The following PREX2 variants were observed in gnomAD, a reference collection of about 807,000 sequenced individuals.
PREX2 encodes the protein phosphatidylinositol 3,4,5-trisphosphate-dependent Rac exchanger 2 protein.
A neutral mutation model predicts 203.2 loss-of-function variants in PREX2; 107 were observed. The observed-to-expected ratio is 0.53, with a 90% confidence interval of 0.45 to 0.62. The LOEUF is 0.62. PREX2 is among the 20% of genes least tolerant of loss of function. The pLI, the probability that PREX2 is intolerant of heterozygous loss-of-function variation, is 0.00. For synonymous variants in PREX2, 672 were observed against 663.6 expected (o/e 1.01, Z -0.19); for missense variants, 1,777 against 1,955.9 (o/e 0.91, Z 1.72).
intron 30 of PREX2, among the ~76,000 whole-genome samples, chr8:68,122,087 C>T (rs555811330): frequency 6.6e-6 from 1 of 152,136 alleles, no homozygotes; most frequent in African/African-American, 2.4e-5. Context: ...AAGACAACCC[C>T]TTATATCAAA....
At chr8:68,167,093 T>C (rs1207497713) in intron 35 of PREX2, among the ~76,000 whole-genome samples, 1 of 152,172 alleles carries the variant, frequency 6.6e-6, no homozygotes, top group African/African-American at 2.4e-5. Flanking sequence ...TTTAATCTCC[T>C]TGTTGGGAAG....
intron 26 of PREX2, among the ~76,000 whole-genome samples, chr8:68,116,996 G>A (rs1245018247): frequency 6.6e-6 from 1 of 152,162 alleles, no homozygotes; most frequent in Non-Finnish European, 1.5e-5. Context: ...CACATAAGCT[G>A]TGTATACAAC....
intron 38 of PREX2, chr8:68,220,358 C>G (rs1585872943): frequency 6.6e-6 from 1 of 152,124 alleles, no homozygotes; most frequent in African/African-American, 2.4e-5. Flanking sequence ...GCAGTAGAAA[C>G]TGTCATTTAC....
intron 38 of PREX2, among the ~76,000 whole-genome samples, chr8:68,221,227 G>A (rs1812948140): frequency 1.3e-5 from 2 of 152,126 alleles, no homozygotes; most frequent in Non-Finnish European, 2.9e-5. Context: ...ATATTCCATG[G>A]TGTATATGTA....
Position 68,233,463 on chromosome 8 carries a change from A to G in PREX2, c.*2085A>G, listed in dbSNP as rs752173479. The G allele has an allele frequency of 1.3e-5, 2 of 152,190 alleles. No individual in the cohort carries two copies. The highest frequency in any genetic ancestry group is 2.9e-5 in the Non-Finnish European group (2 of 68,036). 9.4% of individuals were successfully genotyped at this position (152,190 alleles called of 1,614,324 possible). A position where few individuals can be genotyped will look rare whatever the true frequency, so the allele number is the denominator to read the frequency against. On this transcript the variant is annotated 3_prime_UTR_variant, in exon 40 of 40. Coordinates refer to ENST00000288368, the MANE Select transcript of PREX2 (RefSeq NM_024870.4). ...CTTTCTTCATAATAGAATGTGCTTC[A>G]TATTATTTTTAGGGTTAAACATAAG...
At chr8:68,059,452 G>T (rs965970612) in intron 10 of PREX2, among the ~76,000 whole-genome samples, 1 of 152,154 alleles carries the variant, frequency 6.6e-6, no homozygotes, top group Admixed American at 6.5e-5. Flanking sequence ...AGACAGTTCT[G>T]ATGGATGGTT....
intron 33 of PREX2, among the ~76,000 whole-genome samples, chr8:68,144,665 A>G (rs868630736): frequency 2.0e-5 from 3 of 152,202 alleles, no homozygotes; most frequent in African/African-American, 7.2e-5. Flanking sequence ...GACTTCCAGT[A>G]TGATGTTGAG....
intron 22 of PREX2, among the ~76,000 whole-genome samples, chr8:68,098,240 G>T (rs1810144971): frequency 6.6e-6 from 1 of 152,152 alleles, no homozygotes; most frequent in Non-Finnish European, 1.5e-5. Context: ...AGAAAAATGA[G>T]ATGTAGCTTT....
intron 34 of PREX2, among the ~76,000 whole-genome samples, chr8:68,152,158 G>A (rs943667084): frequency 1.1e-4 from 17 of 151,526 alleles, no homozygotes; most frequent in Non-Finnish European, 1.2e-4. Flanking sequence ...GCCTGGTGGC[G>A]GGCATCTGTA....
At chr8:68,213,566 A>C (rs1812780965) in intron 37 of PREX2, among the ~76,000 whole-genome samples, 1 of 152,250 alleles carries the variant, frequency 6.6e-6, no homozygotes, top group Admixed American at 6.5e-5. Context: ...AGCATTGCCA[A>C]ATCAAAGTGT....
rs574225273 is a variant in PREX2, at chr8:68,095,480, T to A, written c.2369-1537T>A. Among the ~76,000 whole-genome samples, 8 of 151,946 alleles carry A rather than the reference T, an allele frequency of 5.3e-5. No individual in the cohort carries two copies. In the East Asian group the frequency reaches 1.4e-3, roughly 26 times the overall value. On this transcript the variant is annotated intron_variant, in intron 21 of 39. Coordinates refer to ENST00000288368, the MANE Select transcript of PREX2 (RefSeq NM_024870.4). ...AGTAAATCACAAGGATTTAAAAGCT[T>A]TTTTTCAGGAACGGGGCCAAATACA...
chr8:68,027,145 A>T (rs1807743166), intron 4 of PREX2, 77 bp from the exon 5 acceptor site: 2 of 1,043,686 alleles, frequency 1.9e-6, no homozygotes, highest in Non-Finnish European at 3.0e-6. Context: ...ACTAGTTTTT[A>T]GCATTTTATG....
intron 30 of PREX2, 41 bp downstream of exon 30, chr8:68,121,090 T>C: frequency 6.2e-7 from 1 of 1,602,100 alleles, no homozygotes. Context: ...ATATTAGCAA[T>C]AATCAATTTA....
chr8:67,962,679 T>A (rs1197380146), intron 1 of PREX2, among the ~76,000 whole-genome samples: 1 of 151,876 alleles, frequency 6.6e-6, no homozygotes, highest in Non-Finnish European at 1.5e-5. Flanking sequence ...TGATCTCGGC[T>A]CACTGCAACC....
intron 1 of PREX2, among the ~76,000 whole-genome samples, chr8:67,977,031 A>G (rs1806131206): frequency 6.6e-6 from 1 of 152,254 alleles, no homozygotes; most frequent in Non-Finnish European, 1.5e-5. Flanking sequence ...TTTGTTATGC[A>G]ATATAATGGA....
At chr8:68,218,585 G>T (rs1312875449) in intron 38 of PREX2, among the ~76,000 whole-genome samples, 1 of 152,186 alleles carries the variant, frequency 6.6e-6, no homozygotes, top group Non-Finnish European at 1.5e-5. Context: ...TAATTTTTAA[G>T]ATATGCTTTG....
At chr8:68,077,253 T>C (rs1809377971) in intron 14 of PREX2, 144 bp from the exon 15 acceptor site, 1 of 644,770 alleles carries the variant, frequency 1.6e-6, no homozygotes. Context: ...TTGTAACAAT[T>C]AGATGCATTC....
At chr8:68,080,334 T>A in intron 15 of PREX2, 109 bp from the exon 16 acceptor site, 1 of 935,654 alleles carries the variant, frequency 1.1e-6, no homozygotes, top group South Asian at 1.5e-5. Flanking sequence ...CCTAGGAGTA[T>A]AAAGTTGAGG....
chr8:67,974,674 T>G (rs1806021425), intron 1 of PREX2, among the ~76,000 whole-genome samples: 1 of 152,176 alleles, frequency 6.6e-6, no homozygotes, highest in African/African-American at 2.4e-5. Flanking sequence ...GAGAATTTAT[T>G]TGGAACTCAT....
Sources: allele counts gnomAD v4.1 joint callset (sites outside exome capture counted in the v4.1 genomes callset), GRCh38; gene constraint gnomAD v4.1.1; transcripts MANE v1.5; gene names NCBI Gene and HGNC (gene_info 2026-07-23, HGNC 2026-07-21).